ADCY8: variants seen among roughly 807,000 people sequenced by gnomAD.
ADCY8 encodes adenylate cyclase type 8.
A neutral mutation model predicts 119.7 loss-of-function variants in ADCY8; 51 were observed. That is an observed-to-expected ratio of 0.43 (90% CI 0.34 to 0.54). The LOEUF is 0.54. Among genes scored for constraint, ADCY8 ranks in the 20% least tolerant of loss-of-function variants. The probability of loss-of-function intolerance (pLI) is 0.03; values close to 1 mark genes in which losing one functional copy is unlikely to be tolerated. For missense variants in ADCY8, 1,383 were observed against 1,598.8 expected (o/e 0.87, Z 2.30); for synonymous variants, 665 against 651.0 (o/e 1.02, Z -0.33).
At chr8:130,952,079 G>A (rs1244270259) in intron 2 of ADCY8, 81 bp from the exon 3 acceptor site, 4 of 1,542,648 alleles carry the variant, frequency 2.6e-6, no homozygotes, top group Non-Finnish European at 3.5e-6. Context: ...AGAAGTCATG[G>A]GGCTTTTGGA....
At chr8:131,008,660 C>A (rs1483705824) in intron 1 of ADCY8, among the ~76,000 whole-genome samples, 2 of 152,072 alleles carry the variant, frequency 1.3e-5, no homozygotes, top group East Asian at 3.9e-4. Flanking sequence ...TAAGAGTACT[C>A]AAAAATGTGG....
At chr8:130,796,785 T>C (rs2130095343) in intron 15 of ADCY8, among the ~76,000 whole-genome samples, 1 of 148,342 alleles carries the variant, frequency 6.7e-6, no homozygotes, top group South Asian at 2.3e-4. Context: ...CCTCCTCTTT[T>C]CATCCTTCTT....
chr8:130,824,713 G>C (rs1816622068), intron 12 of ADCY8, among the ~76,000 whole-genome samples: 1 of 152,196 alleles, frequency 6.6e-6, no homozygotes, highest in African/African-American at 2.4e-5. Flanking sequence ...GTTTCATGTG[G>C]ATTAGTGCAA....
rs374044804 is a variant in ADCY8 at position 130,842,850 on chromosome 8, C to A, written c.2502+4574G>T. 5.3e-5 allele frequency among the ~76,000 whole-genome samples: 7 copies of A among 131,770 alleles called. No individual in the cohort carries two copies. The South Asian group carries it at 1.2e-3, about 23-fold the overall frequency. 86.4% of individuals were successfully genotyped at this position (131,770 alleles called of 152,430 possible). On this transcript the variant is annotated intron_variant, in intron 11 of 17. Coordinates refer to ENST00000286355, the MANE Select transcript of ADCY8 (RefSeq NM_001115.3). ...TTGCACCACTGCATTTCAGCCTGAG[C>A]AACAGAGTGACACTCTGTCTCAAAA...
chr8:130,857,514 C>G (rs1817784964), intron 9 of ADCY8, among the ~76,000 whole-genome samples: 1 of 152,158 alleles, frequency 6.6e-6, no homozygotes, highest in Admixed American at 6.6e-5. Flanking sequence ...GCATTTCTCA[C>G]TGTCTGGATT....
intron 8 of ADCY8, among the ~76,000 whole-genome samples, chr8:130,870,357 C>G (rs1488675923): frequency 1.3e-5 from 2 of 152,052 alleles, no homozygotes; most frequent in African/African-American, 2.4e-5. Context: ...ATGAACATCA[C>G]CACCTGTCAT....
intron 12 of ADCY8, among the ~76,000 whole-genome samples, chr8:130,835,241 G>C (rs1034723394): frequency 1.3e-5 from 2 of 152,334 alleles, no homozygotes; most frequent in African/African-American, 4.8e-5. Context: ...AGCTGTGAAA[G>C]GGTCCAAGTG....
intron 2 of ADCY8, among the ~76,000 whole-genome samples, chr8:130,966,650 G>A (rs536711011): frequency 6.6e-6 from 1 of 152,310 alleles, no homozygotes; most frequent in South Asian, 2.1e-4. Flanking sequence ...GCATAGTAGA[G>A]GAATAATGCA....
rs557885400 is a variant in ADCY8 at position 130,890,298 on chromosome 8, T to G, written c.1912-5537A>C. On this transcript the variant is annotated intron_variant, in intron 7 of 17. Transcript: ENST00000286355. ...CACACCAACATGGCACATGTATACA[T>G]ATGTAACTAACCTGCACGTTGTGCA... Among the ~76,000 whole-genome samples the G allele has an allele frequency of 4.6e-5, 7 of 152,184 alleles. No homozygotes were observed. The South Asian group carries it at 1.5e-3, about 32-fold the overall frequency.
At chr8:130,818,247 C>T (rs1179053637) in intron 13 of ADCY8, among the ~76,000 whole-genome samples, 1 of 152,180 alleles carries the variant, frequency 6.6e-6, no homozygotes, top group African/African-American at 2.4e-5. Context: ...TGAGTCTTTC[C>T]TTCTGAGCCA....
At chr8:130,957,053 G>A (rs1379776679) in intron 2 of ADCY8, among the ~76,000 whole-genome samples, 3 of 152,230 alleles carry the variant, frequency 2.0e-5, no homozygotes, top group East Asian at 3.8e-4. Context: ...CCAAAATGTG[G>A]AAGCAACTTT....
chr8:130,906,621 C>T (rs185922639), intron 6 of ADCY8, among the ~76,000 whole-genome samples: 1 of 152,104 alleles, frequency 6.6e-6, no homozygotes, highest in Middle Eastern at 3.4e-3. Context: ...AAGACATTTG[C>T]AGATGAGATT....
intron 5 of ADCY8, among the ~76,000 whole-genome samples, chr8:130,920,693 G>T (rs1820275075): frequency 6.6e-6 from 1 of 152,206 alleles, no homozygotes; most frequent in Admixed American, 6.5e-5. Flanking sequence ...TTTGTATCCA[G>T]ATATTTGGTC....
intron 8 of ADCY8, among the ~76,000 whole-genome samples, chr8:130,869,813 G>A (rs975272852): frequency 1.3e-4 from 19 of 151,972 alleles, no homozygotes; most frequent in African/African-American, 3.1e-4. Flanking sequence ...CACTGCACCC[G>A]GCCGGCTACT....
chr8:130,874,821 G>T (rs555162150), intron 8 of ADCY8, among the ~76,000 whole-genome samples: 1 of 152,116 alleles, frequency 6.6e-6, no homozygotes, highest in Admixed American at 6.5e-5. Context: ...TTTCATCCTT[G>T]GGAGGAAGAA....
At chr8:130,782,643 A>T (rs1362940259) in intron 17 of ADCY8, among the ~76,000 whole-genome samples, 1 of 152,260 alleles carries the variant, frequency 6.6e-6, no homozygotes, top group Non-Finnish European at 1.5e-5. Context: ...TCAATTGTGT[A>T]GTCAACAATT....
chr8:130,805,031 G>GCTA (rs1300737540), intron 14 of ADCY8, among the ~76,000 whole-genome samples: 3 of 151,818 alleles, frequency 2.0e-5, no homozygotes, highest in Non-Finnish European at 4.4e-5. Flanking sequence ...ATAGGCATGA[G>GCTA]CTACTGCCCC....
chr8:130,909,110 T>C (rs967988604), intron 6 of ADCY8, among the ~76,000 whole-genome samples: 2 of 152,156 alleles, frequency 1.3e-5, no homozygotes, highest in Non-Finnish European at 2.9e-5. Context: ...GGCTCACATA[T>C]ATCTGAGATC....
intron 15 of ADCY8, among the ~76,000 whole-genome samples, chr8:130,795,748 A>G (rs1815560432): frequency 6.6e-6 from 1 of 152,108 alleles, no homozygotes; most frequent in Non-Finnish European, 1.5e-5. Flanking sequence ...CTCTTCTGGG[A>G]ACATGGAGAA....
Sources: allele counts gnomAD v4.1 joint callset (sites outside exome capture counted in the v4.1 genomes callset), GRCh38; gene constraint gnomAD v4.1.1; transcripts MANE v1.5; gene names NCBI Gene and HGNC (gene_info 2026-07-23, HGNC 2026-07-21).